TIMP3: variants seen among roughly 807,000 people sequenced by gnomAD.
The protein encoded by TIMP3 is TIMP metallopeptidase inhibitor 3, also known as metalloproteinase inhibitor 3.
TIMP3 carries 11 observed loss-of-function variants against 30.0 expected under a neutral mutation model. That is an observed-to-expected ratio of 0.37 (90% CI 0.23 to 0.61). The LOEUF is 0.61. Ranked by LOEUF, TIMP3 falls within the 20% of genes least tolerant of loss-of-function variation. TIMP3 has a pLI of 0.70. For synonymous variants in TIMP3, 112 were observed against 111.3 expected (o/e 1.01, Z -0.04); for missense variants, 181 against 276.8 (o/e 0.65, Z 2.45).
At chr22:32,826,361 G>A (rs888301306) in intron 1 of TIMP3, among the ~76,000 whole-genome samples, 1 of 152,068 alleles carries the variant, frequency 6.6e-6, no homozygotes, top group South Asian at 2.1e-4. Flanking sequence ...CCCGGGAGGC[G>A]GAGGTTGCAG....
chr22:32,807,268 A>G (rs2145961473), intron 1 of TIMP3, among the ~76,000 whole-genome samples: 1 of 141,026 alleles, frequency 7.1e-6, no homozygotes, highest in African/African-American at 2.7e-5. Context: ...AAGTCCTTTT[A>G]TTACTGTGGA....
chr22:32,828,254 T>C (rs1392735873), intron 1 of TIMP3, among the ~76,000 whole-genome samples: 1 of 152,230 alleles, frequency 6.6e-6, no homozygotes, highest in Non-Finnish European at 1.5e-5. Flanking sequence ...TTAGCTCTTA[T>C]GCTCCAGCCT....
intron 1 of TIMP3, among the ~76,000 whole-genome samples, chr22:32,846,524 C>T (rs193016071): frequency 1.1e-3 from 173 of 152,290 alleles, no homozygotes; most frequent in Non-Finnish European, 1.9e-3. Context: ...CTGTTCTCAG[C>T]GCTTATATTA....
chr22:32,836,482 C>T (rs2047732236), intron 1 of TIMP3, among the ~76,000 whole-genome samples: 1 of 152,314 alleles, frequency 6.6e-6, no homozygotes, highest in Admixed American at 6.5e-5. Context: ...AGTTAGCATT[C>T]TTTACTTATT....
Position 32,801,899 on chromosome 22 carries a change from C to A in TIMP3, c.-103C>A, listed in dbSNP as rs566101769. ...CGGAGGCCAAGGTTGCCCCGCACGG[C>A]CCGGCGGGCGAGCGAGCTCGGGCTG... On this transcript the variant is annotated 5_prime_UTR_variant, in exon 1 of 5. Coordinates refer to ENST00000266085, the MANE Select transcript of TIMP3 (RefSeq NM_000362.5). This position sits in a 1 kb window ranked among gnomAD's most constrained non-coding sequence, Gnocchi z 4.7. The A allele has an allele frequency of 7.7e-5, 106 of 1,382,572 alleles. 2 individuals are homozygous for A. The South Asian group carries it at 1.6e-3, about 20-fold the overall frequency. 85.6% of individuals were successfully genotyped at this position (1,382,572 alleles called of 1,614,324 possible).
chr22:32,856,091 G>A (rs1372451064), intron 2 of TIMP3, among the ~76,000 whole-genome samples: 1 of 152,124 alleles, frequency 6.6e-6, no homozygotes, highest in East Asian at 1.9e-4. Flanking sequence ...ATCCCTCCCA[G>A]GGCTCTTTTA....
At chr22:32,827,880 T>C (rs1416725735) in intron 1 of TIMP3, among the ~76,000 whole-genome samples, 1 of 152,192 alleles carries the variant, frequency 6.6e-6, no homozygotes, top group East Asian at 1.9e-4. Flanking sequence ...ATCCCCCAGA[T>C]ACTCACTGGC....
At chr22:32,840,494 G>A (rs1184704219) in intron 1 of TIMP3, among the ~76,000 whole-genome samples, 1 of 152,060 alleles carries the variant, frequency 6.6e-6, no homozygotes, top group Non-Finnish European at 1.5e-5. Flanking sequence ...GCTGCTCGCC[G>A]CTCCCCACCC....
intron 4 of TIMP3, among the ~76,000 whole-genome samples, chr22:32,858,816 C>T (rs938131184): frequency 2.0e-5 from 3 of 152,140 alleles, no homozygotes; most frequent in Non-Finnish European, 4.4e-5. Flanking sequence ...AAAGTTTATG[C>T]TCTAACCTTT....
At chr22:32,824,367 TTG>T (rs1362396639) in intron 1 of TIMP3, among the ~76,000 whole-genome samples, 2 of 151,970 alleles carry the variant, frequency 1.3e-5, no homozygotes, top group Admixed American at 6.6e-5. Flanking sequence ...TATTTTTTTT[TTG>T]TTGTCAAGTA....
intron 1 of TIMP3, among the ~76,000 whole-genome samples, chr22:32,820,597 C>T (rs1431066734): frequency 1.3e-5 from 2 of 152,156 alleles, no homozygotes; most frequent in Non-Finnish European, 2.9e-5. Flanking sequence ...GCTTAGTTGG[C>T]ACATCTTGCT....
chr22:32,844,266 T>G (rs1281320900), intron 1 of TIMP3, among the ~76,000 whole-genome samples: 1 of 152,208 alleles, frequency 6.6e-6, no homozygotes, highest in Non-Finnish European at 1.5e-5. Context: ...CCACTCTGTT[T>G]ATGCTGATGA....
At chr22:32,847,971 G>A (rs981411499) in intron 1 of TIMP3, among the ~76,000 whole-genome samples, 4 of 152,188 alleles carry the variant, frequency 2.6e-5, no homozygotes, top group African/African-American at 9.7e-5. Context: ...TTTTGTTGCT[G>A]GTTCTTATTA....
chr22:32,801,989 G>T lies in TIMP3; in HGVS notation c.-13G>T, dbSNP rs1461856179. The stretch of plus-strand genomic sequence containing the variant: ...GGCGAGCAGCAGCCCCGGCAGCGGC[G>T]GCAGCAGCGGCAATGACCCCTTGGC... On this transcript the variant is annotated 5_prime_UTR_variant, in exon 1 of 5. Transcript: ENST00000266085. The surrounding 1 kb of genome is among the most constrained non-coding windows in gnomAD (Gnocchi z 4.7). 1.9e-6 allele frequency: 3 copies of T among 1,582,656 alleles called. No homozygotes were observed. Among genetic ancestry groups the T allele is most frequent in the East Asian group, 2.3e-5 (1 of 43,790 alleles).
chr22:32,855,101 C>A (rs1170107865), intron 2 of TIMP3, among the ~76,000 whole-genome samples: 2 of 152,290 alleles, frequency 1.3e-5, no homozygotes, highest in East Asian at 1.9e-4. Context: ...CTATTATAAA[C>A]CCTTGGGACA....
chr22:32,805,443 TAGAA>T (rs1388003541), intron 1 of TIMP3, among the ~76,000 whole-genome samples: 2 of 151,880 alleles, frequency 1.3e-5, no homozygotes, highest in African/African-American at 2.4e-5. Flanking sequence ...TTAAGGAAAA[TAGAA>T]AGAATCAGAC....
chr22:32,810,881 CCT>C (rs1340814329), intron 1 of TIMP3, among the ~76,000 whole-genome samples: 2 of 152,096 alleles, frequency 1.3e-5, no homozygotes, highest in African/African-American at 4.8e-5. Flanking sequence ...GAATAAGCTC[CCT>C]GCCTTTTCGA....
Position 32,848,522 on chromosome 22 carries a change from G to A in TIMP3, c.122-930G>A, listed in dbSNP as rs569380047. 2.0e-5 allele frequency among the ~76,000 whole-genome samples: 3 copies of A among 152,284 alleles called. No individual in the cohort carries two copies. The South Asian group carries it at 6.2e-4, about 32-fold the overall frequency. ...GTGAAATGTACATGGCACATAGTAGGTGTGCAATAAATGGGAGCTGTTTTC... is the reference window on the plus strand; with the variant it reads ...GTGAAATGTACATGGCACATAGTAGATGTGCAATAAATGGGAGCTGTTTTC... On this transcript the variant is annotated intron_variant, in intron 1 of 4. Coordinates refer to ENST00000266085, the MANE Select transcript of TIMP3 (RefSeq NM_000362.5).
intron 1 of TIMP3, among the ~76,000 whole-genome samples, chr22:32,841,837 TTAAAA>T (rs1191842266): frequency 6.6e-6 from 1 of 151,956 alleles, no homozygotes; most frequent in Non-Finnish European, 1.5e-5. Context: ...ACCCCAGAAC[TTAAAA>T]TAAAAATACA....
Sources: gnomAD v4.1 joint callset for allele counts (sites outside exome capture counted in the v4.1 genomes callset) on GRCh38, gnomAD v4.1.1 for gene constraint, Gnocchi (gnomAD v3.1) non-coding constraint, MANE v1.5 for transcripts, NCBI Gene and HGNC (gene_info 2026-07-23, HGNC 2026-07-21) for gene names.